Variants in SHANK2 observed in about 807,000 individuals in gnomAD.
SHANK2 encodes the protein SH3 and multiple ankyrin repeat domains 2.
Under a neutral mutation model 133.7 loss-of-function variants are expected in SHANK2, and 43 were observed. The ratio of observed to expected loss-of-function variants is 0.32; its 90% CI spans 0.25 to 0.41. The LOEUF (loss-of-function observed/expected upper bound fraction) is 0.41. Ranked by LOEUF, SHANK2 falls within the 10% of genes least tolerant of loss-of-function variation. The pLI is 1.00. For missense variants in SHANK2, 1,994 were observed against 2,235.8 expected (o/e 0.89, Z 2.18); for synonymous variants, 1,017 against 952.8 (o/e 1.07, Z -1.24).
rs1346549514 is a variant in SHANK2 at position 70,471,940 on chromosome 11, TTAAAAAGAATTC to T, written c.*917_*928del. On this transcript the variant is annotated 3_prime_UTR_variant, in exon 26 of 26. Coordinates refer to ENST00000601538, the MANE Select transcript of SHANK2 (RefSeq NM_012309.5). This position sits in a 1 kb window ranked among gnomAD's most constrained non-coding sequence, Gnocchi z 4.1. ...TTTGCAGAGCTCAAGACATCTTCAA[TTAAAAAGAATTC>T]TGAGAGGCAGAGAAGCCCTTATTCT... 1 of 152,530 alleles carries T rather than the reference TTAAAAAGAATTC, an allele frequency of 6.6e-6. No individual in the cohort carries two copies. Among genetic ancestry groups the T allele is most frequent in the African/African-American group, 2.4e-5 (1 of 41,574 alleles). 9.4% of individuals were successfully genotyped at this position (152,530 alleles called of 1,614,324 possible). A position where few individuals can be genotyped will look rare whatever the true frequency, so the allele number is the denominator to read the frequency against.
intron 14 of SHANK2, among the ~76,000 whole-genome samples, chr11:70,787,006 C>T (rs1293733515): frequency 7.3e-5 from 11 of 151,652 alleles, no homozygotes; most frequent in Non-Finnish European, 1.0e-4. Context: ...CCAGCATCAC[C>T]ACGACCACCA....
intron 9 of SHANK2, among the ~76,000 whole-genome samples, chr11:71,074,843 G>A (rs1433354145): frequency 2.0e-5 from 3 of 148,750 alleles, no homozygotes; most frequent in Admixed American, 6.7e-5. Context: ...GCAGTGGCAC[G>A]GTCTCGGCTC....
chr11:70,917,546 T>C (rs923262529), intron 10 of SHANK2, among the ~76,000 whole-genome samples: 9 of 152,162 alleles, frequency 5.9e-5, no homozygotes, highest in African/African-American at 1.7e-4. Context: ...ATTATAAAGA[T>C]ACATGCACAC....
At chr11:70,711,684 C>T (rs56995370) in intron 14 of SHANK2, among the ~76,000 whole-genome samples, 4,255 of 152,192 alleles carry the variant, frequency 0.028, 200 homozygotes, top group African/African-American at 0.097. Context: ...GACAGAAGGG[C>T]GGGGACCCTG....
At position 70,882,684 on chromosome 11, in the gene SHANK2, G is replaced by A. The variant is rs1949676218; in HGVS notation, c.1174+13817C>T. The stretch of plus-strand genomic sequence containing the variant: ...CAGGGGTGAGGGGTGGCGGTGCAGG[G>A]AGAGGACGGTGATCCCCACGGCTTT... On this transcript the variant is annotated intron_variant, in intron 11 of 25. Transcript: ENST00000601538. The surrounding 1 kb of genome is among the most constrained non-coding windows in gnomAD (Gnocchi z 4.2). Among the ~76,000 whole-genome samples, 1 of 152,184 alleles carries A rather than the reference G, an allele frequency of 6.6e-6. No homozygotes were observed. Among genetic ancestry groups the A allele is most frequent in the East Asian group, 1.9e-4 (1 of 5,192 alleles).
intron 6 of SHANK2, among the ~76,000 whole-genome samples, chr11:71,097,827 G>A (rs1434520530): frequency 6.6e-6 from 1 of 152,254 alleles, no homozygotes; most frequent in African/African-American, 2.4e-5. Flanking sequence ...GGGCAGTGCA[G>A]GCTGGAGCAT....
chr11:71,056,373 C>G (rs898528250), intron 10 of SHANK2, 108 bp downstream of exon 10: 1 of 152,218 alleles, frequency 6.6e-6, no homozygotes, highest in Admixed American at 6.5e-5. Flanking sequence ...ACATCCGCAA[C>G]AAAACGAGCC....
chr11:70,745,605 C>CA (rs782445258), intron 14 of SHANK2, among the ~76,000 whole-genome samples: 3 of 152,122 alleles, frequency 2.0e-5, no homozygotes, highest in South Asian at 2.1e-4. Flanking sequence ...GCCTGGAACT[C>CA]AGAGAGCCCC....
At chr11:70,518,666 C>A (rs2059295033) in intron 17 of SHANK2, among the ~76,000 whole-genome samples, 1 of 152,172 alleles carries the variant, frequency 6.6e-6, no homozygotes, top group African/African-American at 2.4e-5. Context: ...ATCCAGGAGC[C>A]CTTTGCAGGC....
Position 70,473,053 on chromosome 11 carries a change from G to T in SHANK2, c.5366C>A (p.Pro1789Gln). ...TTKPVHLWTKPDVADWLESLN... is the reference protein window; with the variant it reads ...TTKPVHLWTKQDVADWLESLN... ...ACTTTCCAGCCAATCGGCCACATCT[G>T]GTTTAGTCCACAGGTGGACAGGTTT... The change falls in exon 26 of 26, where the codon CCA becomes CAA. Residue 1789 changes from proline to glutamine, a missense_variant. Pro to Gln is a moderately conservative substitution (Grantham distance 76). This residue lies in a region of SHANK2 where 42 missense variants were observed against 79.9 expected (regional missense o/e 0.53). Coordinates refer to ENST00000601538, the MANE Select transcript of SHANK2 (RefSeq NM_012309.5). The surrounding 1 kb of genome is among the most constrained non-coding windows in gnomAD (Gnocchi z 5.9). The T allele has an allele frequency of 1.2e-6, 2 of 1,614,224 alleles. No homozygotes were observed. Among genetic ancestry groups the T allele is most frequent in the Non-Finnish European group, 1.7e-6 (2 of 1,180,046 alleles).
At chr11:70,897,837 G>T (rs1192416829) in intron 10 of SHANK2, among the ~76,000 whole-genome samples, 2 of 151,954 alleles carry the variant, frequency 1.3e-5, no homozygotes, top group Non-Finnish European at 2.9e-5. Context: ...TTTTCTTAAA[G>T]AATATTTTTA....
At chr11:71,082,330 C>T (rs1009673768) in intron 8 of SHANK2, among the ~76,000 whole-genome samples, 16 of 152,202 alleles carry the variant, frequency 1.1e-4, no homozygotes, top group Non-Finnish European at 2.4e-4. Context: ...ATCTCAGTGC[C>T]TAGGCAATGG....
intron 3 of SHANK2, among the ~76,000 whole-genome samples, chr11:71,137,740 C>T (rs780819213): frequency 6.6e-5 from 10 of 152,202 alleles, no homozygotes; most frequent in Admixed American, 1.3e-4. Flanking sequence ...GAAACAAGGA[C>T]AAACCTTCTT....
chr11:70,487,480 G>C lies in SHANK2; in HGVS notation c.2813C>G (p.Ser938Cys), dbSNP rs781857612. 5.6e-6 allele frequency: 9 copies of C among 1,614,050 alleles called. No individual in the cohort carries two copies. The Admixed American group carries it at 1.5e-4, about 27-fold the overall frequency. ...SAAKVSPATR[S>C]DTVATMMREK... is the part of the protein sequence containing the mutation. ...CCTCATCATGGTGGCCACGGTGTCG[G>C]ACCTGGTGGCGGGGGACACCTTGGC... Residue 938 changes from serine to cysteine, a missense_variant, in exon 25 of 26, where the codon TCC becomes TGC. Ser to Cys is a moderately radical substitution (Grantham distance 112, BLOSUM62 -1). Transcript: ENST00000601538. This position sits in a 1 kb window ranked among gnomAD's most constrained non-coding sequence, Gnocchi z 5.8.
rs555933553 is a variant in SHANK2 at position 71,119,231 on chromosome 11, G to A, written c.208-199C>T. Among the ~76,000 whole-genome samples, 24 of 152,194 alleles carry A rather than the reference G, an allele frequency of 1.6e-4. No individual in the cohort carries two copies. The East Asian group carries it at 4.6e-3, about 29-fold the overall frequency. ...ACAGACATTCGGTAAATATAAAAGGGAAAAAGGAAAGACCGAGGCATTGGT... is the reference window on the plus strand; with the variant it reads ...ACAGACATTCGGTAAATATAAAAGGAAAAAAGGAAAGACCGAGGCATTGGT... On this transcript the variant is annotated intron_variant, in intron 3 of 25. Coordinates refer to ENST00000601538, the MANE Select transcript of SHANK2 (RefSeq NM_012309.5).
chr11:71,105,847 T>A (rs1951795233), intron 6 of SHANK2, among the ~76,000 whole-genome samples: 1 of 152,154 alleles, frequency 6.6e-6, no homozygotes, highest in Non-Finnish European at 1.5e-5. Flanking sequence ...GGATCACTAC[T>A]GGGTACAGCA....
chr11:70,538,569 C>G (rs919564534), intron 17 of SHANK2, among the ~76,000 whole-genome samples: 2 of 152,248 alleles, frequency 1.3e-5, no homozygotes, highest in Non-Finnish European at 1.5e-5. Context: ...GAGTAAAGCT[C>G]TGGTCAGGAG....
At chr11:70,706,454 G>T (rs1945665167) in intron 14 of SHANK2, among the ~76,000 whole-genome samples, 1 of 152,178 alleles carries the variant, frequency 6.6e-6, no homozygotes, top group Non-Finnish European at 1.5e-5. Flanking sequence ...AGCTCCAGCT[G>T]GGGATTGCCG....
chr11:70,565,537 C>T (rs1195147789), intron 17 of SHANK2, among the ~76,000 whole-genome samples: 3 of 152,198 alleles, frequency 2.0e-5, no homozygotes, highest in South Asian at 2.1e-4. Flanking sequence ...TGAGCCACCA[C>T]GCCTGGCCTC....
Sources: gnomAD v4.1 joint callset for allele counts (sites outside exome capture counted in the v4.1 genomes callset) on GRCh38, gnomAD v4.1.1 for gene constraint, gnomAD v4.1.1 regional missense constraint, Gnocchi (gnomAD v3.1) non-coding constraint, MANE v1.5 for transcripts, NCBI Gene and HGNC (gene_info 2026-07-23, HGNC 2026-07-21) for gene names.